Variants in HMGB1 observed in about 807,000 individuals in gnomAD.
HMGB1 encodes the protein high mobility group protein B1.
For missense variants in HMGB1, 79 were observed against 253.5 expected, an observed-to-expected ratio of 0.31 and a Z score of 4.67; for synonymous variants, 81 against 84.0, an observed-to-expected ratio of 0.96 and a Z score of 0.19.
At chr13:30,476,537 T>C (rs927728110) in intron 1 of HMGB1, among the ~76,000 whole-genome samples, 1 of 152,176 alleles carries the variant, frequency 6.6e-6, no homozygotes, top group Non-Finnish European at 1.5e-5. Flanking sequence ...TTATTTAGCA[T>C]GTGTCTCCCA....
chr13:30,539,206 GT>G (rs1868746841), intron 1 of HMGB1, among the ~76,000 whole-genome samples: 1 of 152,154 alleles, frequency 6.6e-6, no homozygotes, highest in Non-Finnish European at 1.5e-5. Flanking sequence ...CAGCCCAGAA[GT>G]TTTTTACTGA....
intron 1 of HMGB1, among the ~76,000 whole-genome samples, chr13:30,605,309 A>G (rs1950446793): frequency 6.6e-6 from 1 of 152,190 alleles, no homozygotes; most frequent in Admixed American, 6.5e-5. Context: ...TCCACATCTG[A>G]ATAGTATTTA....
chr13:30,463,948 A>C (rs1162996973), intron 1 of HMGB1: 3 of 368,704 alleles, frequency 8.1e-6, no homozygotes, highest in African/African-American at 6.4e-5. Context: ...ATACCCATAC[A>C]GTATTCCCTA....
intron 1 of HMGB1, among the ~76,000 whole-genome samples, chr13:30,481,122 T>C (rs542502065): frequency 3.9e-5 from 6 of 152,228 alleles, no homozygotes; most frequent in African/African-American, 9.6e-5. Context: ...CTAAGTATTA[T>C]ATGATAACAA....
chr13:30,534,694 C>A (rs930931993), intron 1 of HMGB1, among the ~76,000 whole-genome samples: 2 of 150,144 alleles, frequency 1.3e-5, no homozygotes, highest in Non-Finnish European at 3.0e-5. Context: ...TCTCCTGCCT[C>A]AGCCTCCCGA....
chr13:30,577,896 G>A (rs1192745326), intron 1 of HMGB1, among the ~76,000 whole-genome samples: 2 of 152,096 alleles, frequency 1.3e-5, no homozygotes, highest in African/African-American at 4.8e-5. Context: ...CACTTCAGTG[G>A]GCTCCCCACC....
At chr13:30,512,419 C>T (rs1200381244) in intron 1 of HMGB1, among the ~76,000 whole-genome samples, 1 of 152,112 alleles carries the variant, frequency 6.6e-6, no homozygotes, top group African/African-American at 2.4e-5. Flanking sequence ...GGATGTCTAC[C>T]CACATCCCTG....
intron 1 of HMGB1, among the ~76,000 whole-genome samples, chr13:30,476,883 A>T (rs990490136): frequency 1.4e-5 from 2 of 144,652 alleles, no homozygotes; most frequent in Admixed American, 1.4e-4. Flanking sequence ...AAAAAAAAAG[A>T]TTTTGTTTAA....
intron 1 of HMGB1, 94 bp from the exon 2 acceptor site, chr13:30,463,788 G>C (rs1238720305): frequency 4.0e-6 from 3 of 750,716 alleles, no homozygotes; most frequent in African/African-American, 1.8e-5. Flanking sequence ...CAAAGTACTG[G>C]TTATTTAACA....
chr13:30,604,455 G>C (rs1950434707), intron 1 of HMGB1, among the ~76,000 whole-genome samples: 1 of 152,150 alleles, frequency 6.6e-6, no homozygotes, highest in Non-Finnish European at 1.5e-5. Flanking sequence ...TTGGGGCGGA[G>C]TGCTACTTGC....
chr13:30,528,151 T>C (rs1011337423), intron 1 of HMGB1, among the ~76,000 whole-genome samples: 3 of 152,218 alleles, frequency 2.0e-5, no homozygotes, highest in Non-Finnish European at 2.9e-5. Context: ...GCAACCCGTC[T>C]CCTGGGCTGT....
At chr13:30,614,777 A>G (rs1051089546) in intron 1 of HMGB1, among the ~76,000 whole-genome samples, 1 of 151,766 alleles carries the variant, frequency 6.6e-6, no homozygotes, top group African/African-American at 2.4e-5. Context: ...GCTCATTGCA[A>G]TCTCTGACCC....
intron 1 of HMGB1, among the ~76,000 whole-genome samples, chr13:30,549,948 C>A (rs1019818566): frequency 6.6e-6 from 1 of 151,992 alleles, no homozygotes; most frequent in Admixed American, 6.6e-5. Flanking sequence ...AACTCCTGAC[C>A]CCAAGTAATC....
At chr13:30,470,712 G>A (rs1025475887), upstream of HMGB1, among the ~76,000 whole-genome samples, 10 of 151,954 alleles carry the variant, frequency 6.6e-5, no homozygotes, top group African/African-American at 2.4e-4. Context: ...GCGGTGGCGC[G>A]ATCTTGGCTC....
At position 30,459,293 on chromosome 13, in the gene HMGB1, T is replaced by C. The variant is rs1188705068; in HGVS notation, c.*2064A>G. 3 of 152,198 alleles carry C rather than the reference T, an allele frequency of 2.0e-5. No individual in the cohort carries two copies. Among genetic ancestry groups the C allele is most frequent in the Non-Finnish European group, 4.4e-5 (3 of 68,012 alleles). The allele number at this position is 152,198 out of a possible 1,614,324, so 9.4% of individuals were successfully genotyped here. A position where few individuals can be genotyped will look rare whatever the true frequency, so the allele number is the denominator to read the frequency against. The stretch of plus-strand genomic sequence containing the variant: ...AGATTGAAGAGGGGTTTTGTCCATT[T>C]TCTTAAGATCTGTGGTCAAGAATAA... On this transcript the variant is annotated 3_prime_UTR_variant, in exon 5 of 5. Coordinates refer to ENST00000341423, the MANE Select transcript of HMGB1 (RefSeq NM_002128.7).
intron 1 of HMGB1, among the ~76,000 whole-genome samples, chr13:30,544,406 T>C (rs887343021): frequency 6.6e-6 from 1 of 152,202 alleles, no homozygotes; most frequent in Non-Finnish European, 1.5e-5. Flanking sequence ...CAAGGCAAGA[T>C]TGGAGAGTTA....
At chr13:30,465,070 T>G in intron 1 of HMGB1, 1 of 820,554 alleles carries the variant, frequency 1.2e-6, no homozygotes, top group South Asian at 5.5e-5. Flanking sequence ...AAAAAAAAGT[T>G]GCCTCGGAAC....
chr13:30,584,467 T>G (rs1001969257), intron 1 of HMGB1, among the ~76,000 whole-genome samples: 3 of 152,230 alleles, frequency 2.0e-5, no homozygotes, highest in Admixed American at 2.0e-4. Flanking sequence ...TTCCTTAGTA[T>G]GTGCTTGTTG....
At chr13:30,496,410 C>T (rs1377048336) in intron 1 of HMGB1, among the ~76,000 whole-genome samples, 1 of 152,166 alleles carries the variant, frequency 6.6e-6, no homozygotes, top group East Asian at 1.9e-4. Context: ...CAGTTCTACC[C>T]CTGATAGCTA....
Sources: gnomAD v4.1 joint callset for allele counts (sites outside exome capture counted in the v4.1 genomes callset) on GRCh38, gnomAD v4.1.1 for gene constraint, MANE v1.5 for transcripts, NCBI Gene and HGNC (gene_info 2026-07-23, HGNC 2026-07-21) for gene names.